CSMD3: variants seen among roughly 807,000 people sequenced by gnomAD.
CSMD3 encodes the protein CUB and sushi domain-containing protein 3.
CSMD3 carries 177 observed loss-of-function variants against 435.2 expected under a neutral mutation model. The ratio of observed to expected loss-of-function variants is 0.41; its 90% CI spans 0.36 to 0.46. The LOEUF is 0.46. Among genes scored for constraint, CSMD3 ranks in the 20% least tolerant of loss-of-function variants. The pLI, the probability that CSMD3 is intolerant of heterozygous loss-of-function variation, is 0.34. For missense variants in CSMD3, 4,265 were observed against 4,504.6 expected, an observed-to-expected ratio of 0.95 and a Z score of 1.52; for synonymous variants, 1,656 against 1,520.5, an observed-to-expected ratio of 1.09 and a Z score of -2.07.
chr8:112,749,415 C>T lies in CSMD3; in HGVS notation c.1972+50747G>A, dbSNP rs192844834. Among the ~76,000 whole-genome samples, 782 of 152,126 alleles carry T rather than the reference C, an allele frequency of 5.1e-3. 1 individual carries two copies. Among genetic ancestry groups the T allele is most frequent in the African/African-American group, 0.016 (673 of 41,516 alleles). On this transcript the variant is annotated intron_variant, in intron 13 of 70. Transcript: ENST00000297405. ...GTGTCTTTGTCATAAAACGTTTTCC[C>T]GTTCCTATGTCCAGGATGGTATAGC...
chr8:112,758,725 AAAT>A (rs1211758456), intron 13 of CSMD3, among the ~76,000 whole-genome samples: 1 of 152,206 alleles, frequency 6.6e-6, no homozygotes, highest in Non-Finnish European at 1.5e-5. Flanking sequence ...GCTAAACAGA[AAAT>A]AATAATTTCT....
At chr8:112,762,524 T>A (rs931981241) in intron 13 of CSMD3, among the ~76,000 whole-genome samples, 13 of 151,928 alleles carry the variant, frequency 8.6e-5, no homozygotes, top group Non-Finnish European at 1.2e-4. Flanking sequence ...TTGTTTTATA[T>A]TTTCTTGGTA....
intron 22 of CSMD3, among the ~76,000 whole-genome samples, chr8:112,626,463 T>C (rs894446222): frequency 2.6e-5 from 4 of 152,266 alleles, no homozygotes; most frequent in Middle Eastern, 3.4e-3. Context: ...ATATTTTCTA[T>C]TATTTTTAAT....
rs766601576 is a variant in CSMD3, at chr8:112,336,692, C to T, written c.6979G>A (p.Val2327Ile). The T allele has an allele frequency of 6.2e-7, 1 of 1,612,922 alleles. No homozygotes were observed. The highest frequency in any genetic ancestry group is 8.5e-7 in the Non-Finnish European group (1 of 1,179,128). ...PGNGIYINFTVLQTEPIYDFI... is the reference protein window; with the variant it reads ...PGNGIYINFTILQTEPIYDFI... ...TCATATATTGGTTCTGTTTGAAGGA[C>T]AGTAAAATTGATGTAGATGCCATTC... Residue 2327 changes from valine (V) to isoleucine (I), a missense_variant, in exon 44 of 71, where the codon GTC becomes ATC. This residue lies in a region of CSMD3 where 3,255 missense variants were observed against 3,380.2 expected (regional missense o/e 0.96). Coordinates refer to ENST00000297405, the MANE Select transcript of CSMD3 (RefSeq NM_198123.2).
chr8:113,150,347 T>C (rs781735029), intron 4 of CSMD3, among the ~76,000 whole-genome samples: 17 of 152,102 alleles, frequency 1.1e-4, no homozygotes, highest in Middle Eastern at 6.8e-3. Flanking sequence ...AGTGATACTA[T>C]GCAGCAGCAG....
At chr8:112,289,761 A>G (rs1007119369) in intron 56 of CSMD3, among the ~76,000 whole-genome samples, 2 of 152,126 alleles carry the variant, frequency 1.3e-5, no homozygotes, top group Admixed American at 6.6e-5. Context: ...TGAGTTTAAC[A>G]GCAACATTGT....
At chr8:113,018,542 A>G (rs1005265990) in intron 6 of CSMD3, among the ~76,000 whole-genome samples, 5 of 152,104 alleles carry the variant, frequency 3.3e-5, no homozygotes, top group African/African-American at 1.2e-4. Flanking sequence ...TTTCATTAGT[A>G]CTCCATCTTC....
chr8:112,927,975 A>T (rs2082966546), intron 9 of CSMD3, among the ~76,000 whole-genome samples: 1 of 152,036 alleles, frequency 6.6e-6, no homozygotes, highest in Non-Finnish European at 1.5e-5. Context: ...TAATAACCCC[A>T]AGCTTGGTCA....
In CSMD3 at chr8:113,423,200, A is replaced by T. The variant is rs545099622; in HGVS notation, c.178+13477T>A. 3.9e-5 allele frequency among the ~76,000 whole-genome samples: 6 copies of T among 152,204 alleles called. No homozygotes were observed. In the South Asian group the frequency reaches 1.0e-3, roughly 26 times the overall value. On this transcript the variant is annotated intron_variant, in intron 1 of 70. Transcript: ENST00000297405. Reference sequence around the variant, plus strand: ...ACTTGTGGAATCATGTCAGACCTCAAAAAGTGTCACATTCTTGAGTATTTT... The same window carrying T: ...ACTTGTGGAATCATGTCAGACCTCATAAAGTGTCACATTCTTGAGTATTTT...
chr8:112,741,539 T>A (rs973475485), intron 13 of CSMD3, among the ~76,000 whole-genome samples: 1 of 151,876 alleles, frequency 6.6e-6, no homozygotes, highest in Non-Finnish European at 1.5e-5. Flanking sequence ...GAAGCCACCA[T>A]GGAAAACCGC....
intron 10 of CSMD3, among the ~76,000 whole-genome samples, chr8:112,885,734 GT>G (rs2081571327): frequency 6.6e-6 from 1 of 151,582 alleles, no homozygotes; most frequent in Non-Finnish European, 1.5e-5. Flanking sequence ...TATCTATTTA[GT>G]TGTACAAATT....
intron 4 of CSMD3, among the ~76,000 whole-genome samples, chr8:113,166,069 A>G (rs1333943540): frequency 6.6e-6 from 1 of 152,166 alleles, no homozygotes; most frequent in Non-Finnish European, 1.5e-5. Flanking sequence ...ACACAGTTAG[A>G]CAATAACCCA....
intron 5 of CSMD3, among the ~76,000 whole-genome samples, chr8:113,068,055 T>G (rs149835379): frequency 4.1e-4 from 63 of 152,280 alleles, no homozygotes; most frequent in African/African-American, 1.4e-3. Context: ...TTCCAATGTT[T>G]TAAAACAAAC....
At chr8:113,249,397 A>G (rs1181515636) in intron 3 of CSMD3, among the ~76,000 whole-genome samples, 1 of 152,058 alleles carries the variant, frequency 6.6e-6, no homozygotes, top group East Asian at 1.9e-4. Context: ...TTCTTCCAGA[A>G]ATGTTTTATG....
chr8:112,986,742 A>T (rs564474388), intron 6 of CSMD3, among the ~76,000 whole-genome samples: 7 of 152,186 alleles, frequency 4.6e-5, no homozygotes, highest in African/African-American at 1.7e-4. Flanking sequence ...GTAAGAACTT[A>T]TTGCTCTTTG....
chr8:112,528,136 T>A (rs1825164708), intron 27 of CSMD3, among the ~76,000 whole-genome samples: 1 of 152,170 alleles, frequency 6.6e-6, no homozygotes. Flanking sequence ...CACCACTTTT[T>A]AAAAAAATTT....
In CSMD3 at chr8:112,336,833, C is replaced by T. The variant is rs375128411; in HGVS notation, c.6842-4G>A. 5.1e-5 allele frequency: 82 copies of T among 1,610,372 alleles called. No homozygotes were observed. Among genetic ancestry groups the T allele is most frequent in the Non-Finnish European group, 5.6e-5 (66 of 1,177,158 alleles). On this transcript the variant is annotated splice_region_variant and splice_polypyrimidine_tract_variant and intron_variant, in intron 43 of 70. Transcript: ENST00000297405. Reference sequence around the variant, plus strand: ...GTTATATTCCCACCACAAAGAGCTACGGAAAAAGTCACAAAACAAAATAAT... The same window carrying T: ...GTTATATTCCCACCACAAAGAGCTATGGAAAAAGTCACAAAACAAAATAAT...
chr8:113,407,442 C>G (rs1271325805), intron 1 of CSMD3, among the ~76,000 whole-genome samples: 1 of 152,086 alleles, frequency 6.6e-6, no homozygotes, highest in Non-Finnish European at 1.5e-5. Flanking sequence ...TACATAATGT[C>G]TGGACATCTT....
chr8:112,314,714 G>A, intron 47 of CSMD3, 97 bp from the exon 48 acceptor site: 1 of 811,676 alleles, frequency 1.2e-6, no homozygotes, highest in Non-Finnish European at 2.1e-6. Context: ...ATGTTCAATA[G>A]CTATAAGGAT....
Sources: gnomAD v4.1 joint callset for allele counts (sites outside exome capture counted in the v4.1 genomes callset) on GRCh38, gnomAD v4.1.1 for gene constraint, gnomAD v4.1.1 regional missense constraint, MANE v1.5 for transcripts, NCBI Gene and HGNC (gene_info 2026-07-23, HGNC 2026-07-21) for gene names.